The following SREBF2 variants were observed in gnomAD, a reference collection of about 807,000 sequenced individuals.
SREBF2 encodes sterol regulatory element-binding protein 2.
Under a neutral mutation model 113.1 loss-of-function variants are expected in SREBF2, and 55 were observed. The ratio of observed to expected loss-of-function variants is 0.49; its 90% CI spans 0.39 to 0.61. SREBF2 has a LOEUF of 0.61. Among genes scored for constraint, SREBF2 ranks in the 20% least tolerant of loss-of-function variants. SREBF2 has a pLI of 0.00. For missense variants in SREBF2, 1,349 were observed against 1,487.4 expected (o/e 0.91, Z 1.53); for synonymous variants, 593 against 605.7 (o/e 0.98, Z 0.31).
intron 5 of SREBF2, among the ~76,000 whole-genome samples, 159 bp downstream of exon 5, chr22:41,874,178 T>A (rs1468846104): frequency 6.6e-6 from 1 of 152,098 alleles, no homozygotes; most frequent in African/African-American, 2.4e-5. Flanking sequence ...GTCAAGATTA[T>A]AAAATATTAA....
chr22:41,904,738 C>T (rs2146564837), intron 17 of SREBF2, 125 bp from the exon 18 acceptor site: 2 of 807,558 alleles, frequency 2.5e-6, no homozygotes, highest in East Asian at 2.7e-5. Flanking sequence ...CAGGGGTGAG[C>T]AAGGCAGGGT....
In SREBF2 at chr22:41,898,508, G is replaced by T. The variant is rs557683333; in HGVS notation, c.2606-141G>T. ...ATTCCCCTCCCCCAGAATCCTGGGT[G>T]TGGGAGCCCAGAGGCTGCTGGCCCG... On this transcript the variant is annotated intron_variant, in intron 14 of 18. Transcript: ENST00000361204. 6.6e-6 allele frequency: 7 copies of T among 1,065,912 alleles called. No individual in the cohort carries two copies. In the Admixed American group the frequency reaches 9.9e-5, roughly 15 times the overall value. The allele number at this position is 1,065,912 out of a possible 1,614,324, so 66.0% of individuals were successfully genotyped here.
At position 41,884,037 on chromosome 22, in the gene SREBF2, C is replaced by T. The variant is rs550630959; in HGVS notation, c.2039-805C>T. On this transcript the variant is annotated intron_variant, in intron 10 of 18. Transcript: ENST00000361204. ...GGAGGGTGTGGTAAGCCTTCCTGGC[C>T]TCCCACCCACTAACCCAACATGTGT... is the stretch of plus-strand genomic sequence containing the variant. 7.6e-5 allele frequency among the ~76,000 whole-genome samples: 11 copies of T among 143,940 alleles called. No individual in the cohort carries two copies. In the East Asian group the frequency reaches 2.3e-3, roughly 30 times the overall value. The allele number at this position is 143,940 out of a possible 152,430, so 94.4% of individuals were successfully genotyped here.
intron 17 of SREBF2, chr22:41,904,408 G>A (rs1283145756): frequency 2.8e-5 from 10 of 363,254 alleles, no homozygotes; most frequent in Non-Finnish European, 4.9e-5. Context: ...GACTTTACCC[G>A]CACACCTCTA....
Position 41,893,161 on chromosome 22 carries a change from C to T in SREBF2, c.2253C>T (p.His751=), listed in dbSNP as rs770965095. The change falls in exon 12 of 19, where the codon CAC becomes CAT. Residue 751 remains histidine, a synonymous_variant. Coordinates refer to ENST00000361204, the MANE Select transcript of SREBF2 (RefSeq NM_004599.4). ...SRAQSLCGPE[H]SAVPDSLRWL... Reference sequence around the variant, plus strand: ...CCCAGAGCCTGTGTGGCCCCGAGCACAGTGCTGTTCCTGACTCCCTGCGCT... The same window carrying T: ...CCCAGAGCCTGTGTGGCCCCGAGCATAGTGCTGTTCCTGACTCCCTGCGCT... 11 of 1,614,040 alleles carry T rather than the reference C, an allele frequency of 6.8e-6. No individual in the cohort carries two copies. Among genetic ancestry groups the T allele is most frequent in the Non-Finnish European group, 8.5e-6 (10 of 1,180,062 alleles).
At chr22:41,897,313 C>T in intron 14 of SREBF2, 152 bp downstream of exon 14, 1 of 588,498 alleles carries the variant, frequency 1.7e-6, no homozygotes, top group Non-Finnish European at 3.0e-6. Context: ...CACAGTCACC[C>T]CCTCCCAAAC....
Position 41,893,297 on chromosome 22 carries a change from T to C in SREBF2, c.2377+12T>C, listed in dbSNP as rs750965592. 1.9e-6 allele frequency: 3 copies of C among 1,614,080 alleles called. No individual in the cohort carries two copies. Among genetic ancestry groups the C allele is most frequent in the Non-Finnish European group, 2.5e-6 (3 of 1,180,016 alleles). On this transcript the variant is annotated intron_variant, in intron 12 of 18. Transcript: ENST00000361204. The stretch of plus-strand genomic sequence containing the variant: ...CCAGAGGAACCCAGGTGAGAATACC[T>C]TGGAGCCATTCAGAATTGGAGAAAG...
chr22:41,871,564 T>A (rs1244410928), intron 4 of SREBF2, among the ~76,000 whole-genome samples: 1 of 152,180 alleles, frequency 6.6e-6, no homozygotes, highest in South Asian at 2.1e-4. Context: ...CATTGTGATA[T>A]ATTCATACAA....
rs1196752647 is a variant in SREBF2, at chr22:41,905,942, G to C, written c.*282G>C. ...GCAGGGGGAGCTCCCAAGCTGCCAA[G>C]CCCCTGCCTCCAGCCTTCCTGAGTT... On this transcript the variant is annotated 3_prime_UTR_variant, in exon 19 of 19. Coordinates refer to ENST00000361204, the MANE Select transcript of SREBF2 (RefSeq NM_004599.4). The C allele has an allele frequency of 1.6e-6, 1 of 638,004 alleles. No homozygotes were observed. The highest frequency in any genetic ancestry group is 2.1e-5 in the Admixed American group (1 of 47,716). The allele number at this position is 638,004 out of a possible 1,614,324, so 39.5% of individuals were successfully genotyped here.
At chr22:41,903,730 TTGAG>T (rs770208996) in intron 17 of SREBF2, among the ~76,000 whole-genome samples, 4 of 152,194 alleles carry the variant, frequency 2.6e-5, no homozygotes, top group African/African-American at 4.8e-5. Context: ...TTCTAAAAAT[TTGAG>T]TGAGATGACT....
chr22:41,833,371 TGG>T lies in SREBF2; in HGVS notation c.88+15_88+16del. 3.5e-6 allele frequency: 1 copy of T among 288,486 alleles called. No homozygotes were observed. Among genetic ancestry groups the T allele is most frequent in the Non-Finnish European group, 7.0e-6 (1 of 142,914 alleles). 17.9% of individuals were successfully genotyped at this position (288,486 alleles called of 1,614,324 possible). A position where few individuals can be genotyped will look rare whatever the true frequency, so the allele number is the denominator to read the frequency against. On this transcript the variant is annotated intron_variant, in intron 1 of 18. Transcript: ENST00000361204. This position sits in a 1 kb window ranked among gnomAD's most constrained non-coding sequence, Gnocchi z 4.1. ...GGAGACATCGACGGTGAGTGGTGGG[TGG>T]GTGGGAGTGCGGGGGCCGCGCGGGG...
chr22:41,890,102 A>G (rs184404101), intron 11 of SREBF2, among the ~76,000 whole-genome samples: 2 of 152,238 alleles, frequency 1.3e-5, no homozygotes, highest in Admixed American at 1.3e-4. Context: ...TTTGAGATAC[A>G]GCCTCACTCT....
At chr22:41,849,692 C>T (rs1460797948) in intron 1 of SREBF2, among the ~76,000 whole-genome samples, 1 of 152,178 alleles carries the variant, frequency 6.6e-6, no homozygotes, top group Non-Finnish European at 1.5e-5. Context: ...CATATGGTCT[C>T]ATTTGAAGAA....
At chr22:41,835,762 G>A (rs984900779) in intron 1 of SREBF2, among the ~76,000 whole-genome samples, 1 of 152,172 alleles carries the variant, frequency 6.6e-6, no homozygotes, top group African/African-American at 2.4e-5. Context: ...CGAGTAGTTA[G>A]GACTAAGGCA....
intron 1 of SREBF2, among the ~76,000 whole-genome samples, chr22:41,865,369 GAA>G (rs1301190614): frequency 3.9e-5 from 6 of 152,152 alleles, no homozygotes; most frequent in Non-Finnish European, 8.8e-5. Context: ...ATTGGAGAGA[GAA>G]AAGAGAAAAG....
At chr22:41,896,992 C>T (rs2077421956) in intron 13 of SREBF2, 60 bp from the exon 14 acceptor site, 1 of 1,203,982 alleles carries the variant, frequency 8.3e-7, no homozygotes, top group African/African-American at 1.5e-5. Context: ...ACAGCTAGGC[C>T]ATGAGGTGGG....
At chr22:41,889,546 G>A (rs527386929) in intron 11 of SREBF2, among the ~76,000 whole-genome samples, 2 of 152,062 alleles carry the variant, frequency 1.3e-5, no homozygotes, top group Non-Finnish European at 2.9e-5. Flanking sequence ...TTTGCTAGGA[G>A]TGGTAGCACA....
At chr22:41,882,686 A>G (rs1370879902) in intron 10 of SREBF2, among the ~76,000 whole-genome samples, 1 of 152,184 alleles carries the variant, frequency 6.6e-6, no homozygotes, top group Admixed American at 6.5e-5. Flanking sequence ...CGTGCCTATA[A>G]TCCCAGTTAC....
intron 1 of SREBF2, among the ~76,000 whole-genome samples, chr22:41,860,654 G>GGATC (rs1204876297): frequency 6.6e-6 from 1 of 152,128 alleles, no homozygotes; most frequent in African/African-American, 2.4e-5. Flanking sequence ...CAAGTCAAGA[G>GGATC]GATCGCTTGA....
Sources: allele counts gnomAD v4.1 joint callset (sites outside exome capture counted in the v4.1 genomes callset), GRCh38; gene constraint gnomAD v4.1.1; non-coding constraint Gnocchi (gnomAD v3.1); transcripts MANE v1.5; gene names NCBI Gene and HGNC (gene_info 2026-07-23, HGNC 2026-07-21).